ACBD6: variants seen among roughly 807,000 people sequenced by gnomAD.
The protein encoded by ACBD6 is acyl-CoA-binding domain-containing protein 6.
ACBD6 carries 28 observed loss-of-function variants against 37.2 expected under a neutral mutation model. That is an observed-to-expected ratio of 0.75 (90% CI 0.56 to 1.03). The LOEUF (loss-of-function observed/expected upper bound fraction) is 1.03, where lower values mean the gene tolerates loss of function less well. ACBD6 is among the 50% of genes least tolerant of loss of function. The pLI, the probability that ACBD6 is intolerant of heterozygous loss-of-function variation, is 0.00. For missense variants in ACBD6, 340 were observed against 337.4 expected (o/e 1.01, Z -0.06); for synonymous variants, 113 against 126.8 (o/e 0.89, Z 0.73).
rs117220184 is a variant in ACBD6 at position 180,357,374 on chromosome 1, C to T, written c.663+40142G>A. On this transcript the variant is annotated intron_variant, in intron 6 of 7. Coordinates refer to ENST00000367595, the MANE Select transcript of ACBD6 (RefSeq NM_032360.4). Reference sequence around the variant, plus strand: ...GATACAAATGGAATAAGTAAAGAAACGGTAAGTCTTGAGATATTAATGTCT... The same window carrying T: ...GATACAAATGGAATAAGTAAAGAAATGGTAAGTCTTGAGATATTAATGTCT... Among the ~76,000 whole-genome samples the T allele has an allele frequency of 2.8e-3, 419 of 152,220 alleles. 6 individuals are homozygous for T. The East Asian group carries it at 0.033, about 12-fold the overall frequency.
intron 3 of ACBD6, among the ~76,000 whole-genome samples, chr1:180,431,171 T>C (rs1352116983): frequency 6.6e-6 from 1 of 151,586 alleles, no homozygotes; most frequent in Non-Finnish European, 1.5e-5. Flanking sequence ...TGTTTTTTAA[T>C]TGTTTGTTTC....
At chr1:180,449,676 C>T (rs1403121189) in intron 3 of ACBD6, among the ~76,000 whole-genome samples, 2 of 151,832 alleles carry the variant, frequency 1.3e-5, no homozygotes, top group African/African-American at 4.8e-5. Context: ...CCAAACCAAA[C>T]ACCGCATGTT....
chr1:180,403,020 G>T (rs1647444686), intron 5 of ACBD6, among the ~76,000 whole-genome samples: 1 of 152,112 alleles, frequency 6.6e-6, no homozygotes, highest in Admixed American at 6.6e-5. Context: ...AAAGAAGGAA[G>T]TACTGAACTA....
Position 180,495,518 on chromosome 1 carries a change from A to C in ACBD6, c.230T>G (p.Val77Gly). The C allele has an allele frequency of 6.2e-7, 1 of 1,609,844 alleles. No homozygotes were observed. Among genetic ancestry groups the C allele is most frequent in the Non-Finnish European group, 8.5e-7 (1 of 1,177,210 alleles). The change falls in exon 2 of 8, where the codon GTT becomes GGT. Residue 77 changes from valine to glycine, a missense_variant. By Grantham distance (109) the Val-to-Gly change is moderately radical. Coordinates refer to ENST00000367595, the MANE Select transcript of ACBD6 (RefSeq NM_032360.4). ...YLYARYKQVK[V>G]GNCNTPKPSF... Reference sequence around the variant, plus strand: ...TGGTTTAGGAGTATTACAATTTCCAACTTTGACCTAAATGAGGGAAGGAAA... The same window carrying C: ...TGGTTTAGGAGTATTACAATTTCCACCTTTGACCTAAATGAGGGAAGGAAA...
At chr1:180,428,945 G>GT in intron 4 of ACBD6, among the ~76,000 whole-genome samples, 1 of 152,202 alleles carries the variant, frequency 6.6e-6, no homozygotes, top group South Asian at 2.1e-4. Context: ...AGGGCTCTTA[G>GT]GCTAACTCTA....
intron 4 of ACBD6, among the ~76,000 whole-genome samples, chr1:180,420,780 T>G (rs181919349): frequency 6.6e-6 from 1 of 152,206 alleles, no homozygotes; most frequent in African/African-American, 2.4e-5. Context: ...GTTTACCTTT[T>G]CCCTTCAAGG....
At chr1:180,486,597 A>AT (rs1332961051) in intron 3 of ACBD6, among the ~76,000 whole-genome samples, 2 of 152,344 alleles carry the variant, frequency 1.3e-5, no homozygotes, top group Non-Finnish European at 2.9e-5. Flanking sequence ...CTAAATAATA[A>AT]ATGAAGACAA....
At chr1:180,271,656 C>T (rs1648667742) in exon 14 of ACBD6, 2 of 1,401,946 alleles carry the variant, frequency 1.4e-6, no homozygotes, top group Admixed American at 1.7e-5. Flanking sequence ...GGGCTTTTGC[C>T]AGAACTGAAG....
chr1:180,467,496 T>G (rs1388632205), intron 3 of ACBD6, among the ~76,000 whole-genome samples: 1 of 134,730 alleles, frequency 7.4e-6, no homozygotes, highest in East Asian at 2.1e-4. Context: ...ACAAAAAAAC[T>G]TAAATTAGCT....
At chr1:180,492,062 G>A (rs4446932) in intron 3 of ACBD6, among the ~76,000 whole-genome samples, 23,993 of 152,114 alleles carry the variant, frequency 0.16, 1,951 homozygotes, top group Middle Eastern at 0.22. Context: ...ACCTGGCTTG[G>A]CCTCCCAGAG....
At chr1:180,405,178 C>A (rs750946954) in intron 5 of ACBD6, among the ~76,000 whole-genome samples, 1 of 152,042 alleles carries the variant, frequency 6.6e-6, no homozygotes, top group Admixed American at 6.6e-5. Context: ...CTCAGTATAC[C>A]GACCCTGCCT....
chr1:180,415,609 T>C (rs1353937757), intron 4 of ACBD6, among the ~76,000 whole-genome samples: 2 of 152,218 alleles, frequency 1.3e-5, no homozygotes, highest in Admixed American at 6.5e-5. Context: ...CAATTGTTTC[T>C]GAATTGGAAA....
intron 3 of ACBD6, among the ~76,000 whole-genome samples, chr1:180,447,422 T>C (rs1649517697): frequency 6.6e-6 from 1 of 152,134 alleles, no homozygotes; most frequent in Non-Finnish European, 1.5e-5. Context: ...AAATGGTAAA[T>C]TGCTTTCTAC....
intron 12 of ACBD6, chr1:180,272,841 C>T (rs1648760528): frequency 6.6e-6 from 1 of 152,212 alleles, no homozygotes; most frequent in Admixed American, 6.5e-5. Context: ...TTGTGGGGAT[C>T]AATGAACACA....
At chr1:180,363,214 C>T (rs1419165788) in intron 6 of ACBD6, among the ~76,000 whole-genome samples, 2 of 152,098 alleles carry the variant, frequency 1.3e-5, no homozygotes, top group Admixed American at 1.3e-4. Context: ...ACTAGATATT[C>T]TCTTTATTTT....
chr1:180,416,916 A>C (rs1165118692), intron 4 of ACBD6, among the ~76,000 whole-genome samples: 1 of 152,188 alleles, frequency 6.6e-6, no homozygotes, highest in Admixed American at 6.5e-5. Flanking sequence ...CTAGCTTGGA[A>C]ATCTATTTAA....
intron 7 of ACBD6, among the ~76,000 whole-genome samples, chr1:180,301,010 G>T (rs1215005691): frequency 6.6e-6 from 1 of 152,170 alleles, no homozygotes; most frequent in Non-Finnish European, 1.5e-5. Context: ...CAAGTGTCTT[G>T]GCTCTGCAAC....
exon 10 of ACBD6, chr1:180,274,939 C>G (rs1180164323): frequency 4.8e-6 from 1 of 206,234 alleles, no homozygotes; most frequent in East Asian, 1.1e-4. Context: ...GAACTTTGCT[C>G]CAACTGGTGT....
intron 3 of ACBD6, chr1:180,435,823 T>C (rs1649015311): frequency 9.7e-7 from 1 of 1,031,014 alleles, no homozygotes; most frequent in Non-Finnish European, 1.5e-6. Flanking sequence ...GCCTGATGGG[T>C]TTAGGATACA....
Sources: gnomAD v4.1 joint callset for allele counts (sites outside exome capture counted in the v4.1 genomes callset) on GRCh38, gnomAD v4.1.1 for gene constraint, MANE v1.5 for transcripts, NCBI Gene and HGNC (gene_info 2026-07-23, HGNC 2026-07-21) for gene names.